The following SULT4A1 variants were observed in gnomAD, a reference collection of about 807,000 sequenced individuals.
SULT4A1 encodes sulfotransferase family 4A member 1.
A neutral mutation model predicts 35.2 loss-of-function variants in SULT4A1; 11 were observed. That is an observed-to-expected ratio of 0.31 (90% CI 0.20 to 0.52). The LOEUF (loss-of-function observed/expected upper bound fraction) is 0.52. Among genes scored for constraint, SULT4A1 ranks in the 20% least tolerant of loss-of-function variants. SULT4A1 has a pLI of 0.97. For missense variants in SULT4A1, 271 were observed against 383.7 expected (o/e 0.71, Z 2.45); for synonymous variants, 152 against 151.8 (o/e 1.00, Z -0.01).
chr22:43,832,559 C>T (rs1341441386), intron 5 of SULT4A1, among the ~76,000 whole-genome samples: 2 of 152,096 alleles, frequency 1.3e-5, no homozygotes, highest in East Asian at 1.9e-4. Flanking sequence ...AAGGCACACC[C>T]CCACACCCCA....
chr22:43,855,103 G>A (rs1236959835), intron 1 of SULT4A1, among the ~76,000 whole-genome samples: 3 of 152,150 alleles, frequency 2.0e-5, no homozygotes, highest in South Asian at 2.1e-4. Context: ...CAGCAGCGAC[G>A]ATGGTGCGGA....
chr22:43,853,691 G>A (rs936092034), intron 1 of SULT4A1, among the ~76,000 whole-genome samples: 2 of 152,216 alleles, frequency 1.3e-5, no homozygotes, highest in African/African-American at 4.8e-5. Context: ...GAAAGTCACC[G>A]CTCCTCTGGG....
intron 5 of SULT4A1, among the ~76,000 whole-genome samples, chr22:43,830,682 C>A (rs545664748): frequency 6.6e-6 from 1 of 152,184 alleles, no homozygotes; most frequent in African/African-American, 2.4e-5. Flanking sequence ...GTGAGAACAC[C>A]CTGCAAGATG....
chr22:43,829,317 T>G, intron 5 of SULT4A1, 119 bp from the exon 6 acceptor site: 1 of 1,180,704 alleles, frequency 8.5e-7, no homozygotes, highest in Non-Finnish European at 1.2e-6. Context: ...TACTTAATGC[T>G]CACAAGGCTG....
intron 1 of SULT4A1, among the ~76,000 whole-genome samples, chr22:43,858,683 C>G (rs1295682275): frequency 6.6e-6 from 1 of 152,060 alleles, no homozygotes; most frequent in Admixed American, 6.5e-5. Flanking sequence ...AACTGGTAAC[C>G]CAGGAAGCGC....
At chr22:43,826,929 A>G in intron 6 of SULT4A1, 1 of 985,476 alleles carries the variant, frequency 1.0e-6, no homozygotes, top group Non-Finnish European at 1.2e-6. Flanking sequence ...GCTGTGGGAT[A>G]AACTGCAGGC....
Position 43,861,827 on chromosome 22 carries a change from G to A in SULT4A1, c.169+387C>T, listed in dbSNP as rs189336787. Among the ~76,000 whole-genome samples, 38 of 152,366 alleles carry A rather than the reference G, an allele frequency of 2.5e-4. 1 individual carries two copies. Among genetic ancestry groups the A allele is most frequent in the Admixed American group, 1.9e-3 (29 of 15,308 alleles). ...CAGGACTTTGCACTCATCAAAGGTT[G>A]GGCAGGATTCAGGAACAGAGAGGTT... is the stretch of plus-strand genomic sequence containing the variant. On this transcript the variant is annotated intron_variant, in intron 1 of 6. Transcript: ENST00000330884.
At chr22:43,837,019 T>C (rs1474396569) in intron 4 of SULT4A1, among the ~76,000 whole-genome samples, 1 of 152,228 alleles carries the variant, frequency 6.6e-6, no homozygotes, top group Non-Finnish European at 1.5e-5. Flanking sequence ...TCACGCGTGG[T>C]TGTTTATGCA....
chr22:43,833,060 C>T (rs1385354609), intron 5 of SULT4A1, among the ~76,000 whole-genome samples: 2 of 152,114 alleles, frequency 1.3e-5, no homozygotes, highest in African/African-American at 4.8e-5. Flanking sequence ...TGCACCCCAT[C>T]GTCTCTCCTC....
intron 4 of SULT4A1, among the ~76,000 whole-genome samples, 182 bp from the exon 5 acceptor site, chr22:43,833,916 C>G (rs1316413002): frequency 6.6e-6 from 1 of 152,232 alleles, no homozygotes; most frequent in Non-Finnish European, 1.5e-5. Flanking sequence ...CATCCCAGCC[C>G]TCCCGCCTTC....
chr22:43,846,054 C>T (rs1042529739), intron 1 of SULT4A1, among the ~76,000 whole-genome samples: 6 of 151,866 alleles, frequency 4.0e-5, no homozygotes, highest in Admixed American at 6.5e-5. Flanking sequence ...TGTCCACTGC[C>T]GCCGTCAGGC....
chr22:43,826,307 G>A (rs1204059450), intron 6 of SULT4A1, 194 bp from the exon 7 acceptor site: 1 of 985,302 alleles, frequency 1.0e-6, no homozygotes, highest in Non-Finnish European at 1.2e-6. Context: ...ACTACTGGAT[G>A]CGGCAGAACA....
In SULT4A1 at chr22:43,825,633, A is replaced by G. The variant is rs1321061306; in HGVS notation, c.*368T>C. 1 of 162,954 alleles carries G rather than the reference A, an allele frequency of 6.1e-6. No homozygotes were observed. Among genetic ancestry groups the G allele is most frequent in the East Asian group, 1.8e-4 (1 of 5,550 alleles). 10.1% of individuals were successfully genotyped at this position (162,954 alleles called of 1,614,324 possible). ...TGATTCCCCTTGGAAATGAACTTTT[A>G]TTTGGTTTACTGACATTTATGTAGA... On this transcript the variant is annotated 3_prime_UTR_variant, in exon 7 of 7. Coordinates refer to ENST00000330884, the MANE Select transcript of SULT4A1 (RefSeq NM_014351.4).
At chr22:43,861,285 C>T (rs558636035) in intron 1 of SULT4A1, among the ~76,000 whole-genome samples, 4 of 152,310 alleles carry the variant, frequency 2.6e-5, no homozygotes, top group Non-Finnish European at 4.4e-5. Flanking sequence ...GCTGGTCCGG[C>T]GTGACCTTAG....
intron 1 of SULT4A1, among the ~76,000 whole-genome samples, chr22:43,843,175 G>C (rs565017462): frequency 6.6e-6 from 1 of 152,144 alleles, no homozygotes; most frequent in Non-Finnish European, 1.5e-5. Flanking sequence ...AGCACTATGG[G>C]AGGCCAAACC....
chr22:43,859,262 G>A (rs2049438743), intron 1 of SULT4A1, among the ~76,000 whole-genome samples: 1 of 152,200 alleles, frequency 6.6e-6, no homozygotes, highest in Admixed American at 6.5e-5. Flanking sequence ...AATCAATCTG[G>A]TCAAATCCTC....
rs531567297 is a variant in SULT4A1 at position 43,835,485 on chromosome 22, C to T, written c.509-1751G>A. Among the ~76,000 whole-genome samples, 20 of 152,310 alleles carry T rather than the reference C, an allele frequency of 1.3e-4. 1 individual carries two copies. The highest frequency in any genetic ancestry group is 4.8e-4 in the African/African-American group (20 of 41,574). On this transcript the variant is annotated intron_variant, in intron 4 of 6. Coordinates refer to ENST00000330884, the MANE Select transcript of SULT4A1 (RefSeq NM_014351.4). ...GCCCTGCCACCCGGCAGGATTCCCACGGAGGAGCTGCACCCACATCCCACC... is the reference window on the plus strand; with the variant it reads ...GCCCTGCCACCCGGCAGGATTCCCATGGAGGAGCTGCACCCACATCCCACC...
intron 1 of SULT4A1, among the ~76,000 whole-genome samples, chr22:43,847,965 G>T (rs2063487245): frequency 6.6e-6 from 1 of 152,206 alleles, no homozygotes; most frequent in Admixed American, 6.5e-5. Context: ...GTGTGGGCAG[G>T]GCTGCGCCCC....
At chr22:43,843,960 T>C (rs2063454120) in intron 1 of SULT4A1, among the ~76,000 whole-genome samples, 1 of 152,056 alleles carries the variant, frequency 6.6e-6, no homozygotes, top group South Asian at 2.1e-4. Flanking sequence ...GGGGCAGTCT[T>C]GTGGGACTGA....
Sources: allele counts gnomAD v4.1 joint callset (sites outside exome capture counted in the v4.1 genomes callset), GRCh38; gene constraint gnomAD v4.1.1; transcripts MANE v1.5; gene names NCBI Gene and HGNC (gene_info 2026-07-23, HGNC 2026-07-21).